RIT2: variants seen among roughly 807,000 people sequenced by gnomAD.
The protein encoded by RIT2 is GTP-binding protein Rit2.
RIT2 carries 24 observed loss-of-function variants against 23.7 expected under a neutral mutation model. That is an observed-to-expected ratio of 1.01 (90% CI 0.73 to 1.43). RIT2 has a LOEUF of 1.43. Ranked by LOEUF, RIT2 falls within the 40% of genes most tolerant of loss-of-function variation. RIT2 has a pLI of 0.00. For synonymous variants in RIT2, 107 were observed against 91.1 expected, an observed-to-expected ratio of 1.17 and a Z score of -0.99; for missense variants, 236 against 266.9, an observed-to-expected ratio of 0.88 and a Z score of 0.81.
intron 2 of RIT2, among the ~76,000 whole-genome samples, chr18:43,032,303 C>A (rs1008373786): frequency 6.6e-6 from 1 of 151,930 alleles, no homozygotes; most frequent in Non-Finnish European, 1.5e-5. Context: ...CATCTACTGC[C>A]CTGTTCAAGC....
intron 1 of RIT2, among the ~76,000 whole-genome samples, chr18:43,040,060 A>T (rs994285540): frequency 6.6e-6 from 1 of 152,232 alleles, no homozygotes; most frequent in African/African-American, 2.4e-5. Flanking sequence ...TTTGGTCAAG[A>T]CCGCTTAGAA....
chr18:43,031,416 C>A (rs1911851511), intron 2 of RIT2, among the ~76,000 whole-genome samples: 1 of 151,698 alleles, frequency 6.6e-6, no homozygotes, highest in South Asian at 2.1e-4. Context: ...CAAGAGATTC[C>A]ATTCTACCTG....
chr18:42,776,680 A>G (rs1471440809), intron 4 of RIT2, among the ~76,000 whole-genome samples: 1 of 151,626 alleles, frequency 6.6e-6, no homozygotes, highest in African/African-American at 2.4e-5. Context: ...GCTCAGAGAG[A>G]TTTAACAACT....
At chr18:43,047,932 A>G (rs1272852842) in intron 1 of RIT2, among the ~76,000 whole-genome samples, 3 of 152,156 alleles carry the variant, frequency 2.0e-5, no homozygotes, top group Non-Finnish European at 2.9e-5. Context: ...GACTGGTCAA[A>G]GAGGAGGGCA....
chr18:42,872,330 C>T (rs1907640789), intron 4 of RIT2, among the ~76,000 whole-genome samples: 2 of 151,994 alleles, frequency 1.3e-5, no homozygotes, highest in Admixed American at 1.3e-4. Context: ...CTTTCTTCCT[C>T]TCTATCCATT....
At chr18:42,911,637 T>C (rs1474011266) in intron 4 of RIT2, among the ~76,000 whole-genome samples, 1 of 151,998 alleles carries the variant, frequency 6.6e-6, no homozygotes, top group Admixed American at 6.6e-5. Flanking sequence ...ATTTTAAAAA[T>C]GATTACAAGG....
At chr18:42,849,078 C>G (rs1211264443) in intron 4 of RIT2, among the ~76,000 whole-genome samples, 1 of 152,136 alleles carries the variant, frequency 6.6e-6, no homozygotes, top group Non-Finnish European at 1.5e-5. Flanking sequence ...GATGAGGAAA[C>G]AGACCTAGTG....
At chr18:42,820,726 T>C (rs929877985) in intron 4 of RIT2, among the ~76,000 whole-genome samples, 2 of 152,142 alleles carry the variant, frequency 1.3e-5, no homozygotes, top group African/African-American at 4.8e-5. Context: ...GAAAAAACTA[T>C]GAGATATTGA....
intron 3 of RIT2, among the ~76,000 whole-genome samples, chr18:42,942,685 G>A (rs1362833062): frequency 1.3e-5 from 2 of 152,104 alleles, no homozygotes; most frequent in African/African-American, 4.8e-5. Flanking sequence ...TCTATCCTGA[G>A]TAAGTGTGGG....
chr18:42,743,932 T>C (rs1912857933), intron 4 of RIT2, among the ~76,000 whole-genome samples: 1 of 152,128 alleles, frequency 6.6e-6, no homozygotes, highest in African/African-American at 2.4e-5. Flanking sequence ...ACTGATTACA[T>C]TCCACCACAA....
chr18:42,782,817 A>G (rs1373853325), intron 4 of RIT2, among the ~76,000 whole-genome samples: 1 of 152,142 alleles, frequency 6.6e-6, no homozygotes, highest in African/African-American at 2.4e-5. Context: ...AGCTCTAAAC[A>G]TGGACAACAA....
rs578012865 is a variant in RIT2 at position 43,094,663 on chromosome 18, G to A, written c.103+20754C>T. Among the ~76,000 whole-genome samples, 6 of 152,088 alleles carry A rather than the reference G, an allele frequency of 3.9e-5. No individual in the cohort carries two copies. The East Asian group carries it at 1.2e-3, about 29-fold the overall frequency. On this transcript the variant is annotated intron_variant, in intron 1 of 4. Transcript: ENST00000326695. Reference sequence around the variant, plus strand: ...ATGATATATGAAAAGATGACATCAAGGAATTAAGAATGAAAATAAGTCAAA... The same window carrying A: ...ATGATATATGAAAAGATGACATCAAAGAATTAAGAATGAAAATAAGTCAAA...
intron 3 of RIT2, among the ~76,000 whole-genome samples, chr18:42,956,522 G>C (rs1054572479): frequency 6.6e-6 from 1 of 152,106 alleles, no homozygotes; most frequent in African/African-American, 2.4e-5. Context: ...GCTCCATTTC[G>C]TCGGTTTGAG....
At chr18:42,812,533 A>T (rs1905880985) in intron 4 of RIT2, among the ~76,000 whole-genome samples, 1 of 152,144 alleles carries the variant, frequency 6.6e-6, no homozygotes, top group Non-Finnish European at 1.5e-5. Flanking sequence ...CCTCTCTTAC[A>T]TGGTAATATA....
rs150632627 is a variant in RIT2, at chr18:43,030,999, G to A, written c.160+2812C>T. Among the ~76,000 whole-genome samples, 313 of 152,056 alleles carry A rather than the reference G, an allele frequency of 2.1e-3. 2 individuals carry two copies. Among genetic ancestry groups the A allele is most frequent in the African/African-American group, 7.3e-3 (301 of 41,500 alleles). On this transcript the variant is annotated intron_variant, in intron 2 of 4. Transcript: ENST00000326695. ...CTGTAGGTATCTAAACCCTTAGCCA[G>A]GCCTGCAAGATCTTCAAAGATCTGG... is the stretch of plus-strand genomic sequence containing the variant.
At chr18:42,936,304 C>T (rs747419366) in intron 3 of RIT2, among the ~76,000 whole-genome samples, 1 of 152,250 alleles carries the variant, frequency 6.6e-6, no homozygotes. Context: ...TATCATTTAA[C>T]TGGTGAAATT....
intron 3 of RIT2, among the ~76,000 whole-genome samples, chr18:42,953,673 GT>G (rs1251902397): frequency 3.3e-5 from 5 of 152,152 alleles, no homozygotes; most frequent in African/African-American, 7.2e-5. Flanking sequence ...AAACAACACT[GT>G]TAAAGCTTGG....
At chr18:43,084,484 C>A (rs986177064) in intron 1 of RIT2, among the ~76,000 whole-genome samples, 2 of 152,134 alleles carry the variant, frequency 1.3e-5, no homozygotes, top group Admixed American at 6.5e-5. Flanking sequence ...TGGAACCAAC[C>A]CAAATGCCCA....
In RIT2 at chr18:42,869,464, T is replaced by C. The variant is rs1047323533; in HGVS notation, c.426+54108A>G. On this transcript the variant is annotated intron_variant, in intron 4 of 4. Coordinates refer to ENST00000326695, the MANE Select transcript of RIT2 (RefSeq NM_002930.4). ...TGACAGTATTTCAGTTCTGATTTCT[T>C]AGATAATAACTGCTCAGAGACTACT... Among the ~76,000 whole-genome samples the C allele has an allele frequency of 3.9e-5, 6 of 152,336 alleles. No homozygotes were observed. In the South Asian group the frequency reaches 6.2e-4, roughly 16 times the overall value.
Sources: allele counts gnomAD v4.1 joint callset (sites outside exome capture counted in the v4.1 genomes callset), GRCh38; gene constraint gnomAD v4.1.1; transcripts MANE v1.5; gene names NCBI Gene and HGNC (gene_info 2026-07-23, HGNC 2026-07-21).